The following CCDC138 variants were observed in gnomAD, a reference collection of about 807,000 sequenced individuals.
CCDC138 encodes coiled-coil domain containing 138, also known as coiled-coil domain-containing protein 138.
CCDC138 carries 66 observed loss-of-function variants against 82.3 expected under a neutral mutation model. That is an observed-to-expected ratio of 0.80 (90% CI 0.66 to 0.98). The LOEUF (loss-of-function observed/expected upper bound fraction) is 0.98. Ranked by LOEUF, CCDC138 falls within the 50% of genes least tolerant of loss-of-function variation. The pLI is 0.00. For synonymous variants in CCDC138, 297 were observed against 265.4 expected (o/e 1.12, Z -1.16); for missense variants, 816 against 758.9 (o/e 1.08, Z -0.88).
At chr2:108,861,065 T>C in intron 13 of CCDC138, among the ~76,000 whole-genome samples, 1 of 151,406 alleles carries the variant, frequency 6.6e-6, no homozygotes, top group Non-Finnish European at 1.5e-5. Context: ...TGTATATTTC[T>C]GGGTAATTAT....
At chr2:108,825,324 T>C (rs1289518184) in intron 10 of CCDC138, among the ~76,000 whole-genome samples, 1 of 152,130 alleles carries the variant, frequency 6.6e-6, no homozygotes, top group East Asian at 1.9e-4. Context: ...ATAATTCACA[T>C]ATACAAGTAG....
chr2:108,826,156 G>A (rs1221247732), intron 10 of CCDC138, among the ~76,000 whole-genome samples: 1 of 152,048 alleles, frequency 6.6e-6, no homozygotes, highest in East Asian at 1.9e-4. Flanking sequence ...TATTCAAGAT[G>A]GATGTACCTT....
At chr2:108,882,740 C>T (rs1050796585) in exon 2 of CCDC138, 3 of 152,152 alleles carry the variant, frequency 2.0e-5, no homozygotes, top group Admixed American at 6.6e-5. Flanking sequence ...CTTTCTCTCA[C>T]CATCTAAGTT....
At chr2:108,812,078 G>A in intron 7 of CCDC138, among the ~76,000 whole-genome samples, 1 of 152,050 alleles carries the variant, frequency 6.6e-6, no homozygotes, top group Non-Finnish European at 1.5e-5. Flanking sequence ...AAAGAGAGAT[G>A]TGCAAGACAT....
intron 12 of CCDC138, among the ~76,000 whole-genome samples, chr2:108,851,292 T>C (rs1336497108): frequency 2.0e-5 from 3 of 151,996 alleles, no homozygotes; most frequent in Non-Finnish European, 2.9e-5. Flanking sequence ...GGGTGTTTTG[T>C]TTTTTGTTGT....
At chr2:108,855,011 A>G (rs1692347289) in intron 12 of CCDC138, among the ~76,000 whole-genome samples, 1 of 152,226 alleles carries the variant, frequency 6.6e-6, no homozygotes, top group African/African-American at 2.4e-5. Flanking sequence ...TAGGGAATAA[A>G]AAGGTTACAT....
chr2:108,881,845 T>A (rs904876531), intron 1 of CCDC138, among the ~76,000 whole-genome samples: 4 of 152,128 alleles, frequency 2.6e-5, no homozygotes, highest in African/African-American at 9.7e-5. Flanking sequence ...ATTACAATAG[T>A]AACATCAGAG....
At chr2:108,850,800 T>C (rs1283880377) in intron 12 of CCDC138, among the ~76,000 whole-genome samples, 2 of 152,098 alleles carry the variant, frequency 1.3e-5, no homozygotes, top group East Asian at 3.9e-4. Context: ...ACTCTTTAAC[T>C]GTGTTTTTTC....
rs1330475286 is a variant in CCDC138 at position 108,839,280 on chromosome 2, G to T, written c.1302G>T (p.Arg434Ser). 1.9e-6 allele frequency: 3 copies of T among 1,611,486 alleles called. No homozygotes were observed. Among genetic ancestry groups the T allele is most frequent in the Non-Finnish European group, 2.5e-6 (3 of 1,178,932 alleles). ...TAAAATTTATATATTGGTCCCTAAG[G>T]CAGCTAGATGCTGGAGCACAGGTAA... ...PFVKFIYWSL[R>S]QLDAGAQHST... The change falls in exon 11 of 15, where the codon AGG (arginine) becomes AGT (serine). Residue 434 changes from arginine (R) to serine (S), a missense_variant. Coordinates refer to ENST00000295124, the MANE Select transcript of CCDC138 (RefSeq NM_144978.3).
chr2:108,803,838 A>G (rs1261218567), intron 6 of CCDC138, among the ~76,000 whole-genome samples: 1 of 152,186 alleles, frequency 6.6e-6, no homozygotes, highest in Non-Finnish European at 1.5e-5. Context: ...TATTGAGCTT[A>G]TCCTGCTGTG....
intron 7 of CCDC138, among the ~76,000 whole-genome samples, chr2:108,806,243 AT>A (rs781750909): frequency 1.3e-5 from 2 of 152,160 alleles, no homozygotes; most frequent in African/African-American, 2.4e-5. Context: ...GCTCTTTCTC[AT>A]TACAGTCTCA....
At chr2:108,797,609 G>A (rs1377725699) in intron 5 of CCDC138, among the ~76,000 whole-genome samples, 1 of 152,096 alleles carries the variant, frequency 6.6e-6, no homozygotes, top group Non-Finnish European at 1.5e-5. Context: ...GGGATAATCA[G>A]CAGAGCAGTC....
At chr2:108,874,200 G>A (rs1695689050) in intron 14 of CCDC138, among the ~76,000 whole-genome samples, 1 of 152,144 alleles carries the variant, frequency 6.6e-6, no homozygotes, top group Admixed American at 6.5e-5. Flanking sequence ...CCTTATTGAT[G>A]TACTAAAGTG....
intron 5 of CCDC138, among the ~76,000 whole-genome samples, chr2:108,795,920 T>C (rs978854709): frequency 1.3e-5 from 2 of 152,204 alleles, no homozygotes; most frequent in African/African-American, 4.8e-5. Flanking sequence ...GATAACACTT[T>C]ATAGGATAAA....
chr2:108,811,654 T>A (rs192453100), intron 7 of CCDC138, among the ~76,000 whole-genome samples: 23 of 152,306 alleles, frequency 1.5e-4, no homozygotes, highest in African/African-American at 5.5e-4. Context: ...CATGTGCAGC[T>A]TTGTTACATG....
At chr2:108,850,627 A>G (rs752602202) in intron 12 of CCDC138, among the ~76,000 whole-genome samples, 1 of 151,626 alleles carries the variant, frequency 6.6e-6, no homozygotes, top group Non-Finnish European at 1.5e-5. Flanking sequence ...AATTTTTTCT[A>G]TCTTTAGTAG....
intron 10 of CCDC138, among the ~76,000 whole-genome samples, chr2:108,838,870 G>C (rs1264425273): frequency 1.3e-5 from 2 of 151,834 alleles, no homozygotes; most frequent in Non-Finnish European, 2.9e-5. Flanking sequence ...TATAAATCTA[G>C]GTTATCATTT....
intron 10 of CCDC138, among the ~76,000 whole-genome samples, chr2:108,830,820 A>G (rs1227760859): frequency 6.9e-6 from 1 of 144,470 alleles, no homozygotes; most frequent in Non-Finnish European, 1.5e-5. Flanking sequence ...AATAAAAAAC[A>G]AAAAAAAAAA....
At chr2:108,794,765 T>C in intron 5 of CCDC138, 44 bp downstream of exon 5, 1 of 1,431,838 alleles carries the variant, frequency 7.0e-7, no homozygotes, top group South Asian at 1.2e-5. Flanking sequence ...ATATTTATGT[T>C]CTAAGAACCA....
Sources: gnomAD v4.1 joint callset for allele counts (sites outside exome capture counted in the v4.1 genomes callset) on GRCh38, gnomAD v4.1.1 for gene constraint, MANE v1.5 for transcripts, NCBI Gene and HGNC (gene_info 2026-07-23, HGNC 2026-07-21) for gene names.